The following FKBP5 variants were observed in gnomAD, a reference collection of about 807,000 sequenced individuals.
FKBP5 encodes FKBP prolyl isomerase 5, also known as peptidyl-prolyl cis-trans isomerase FKBP5.
FKBP5 carries 23 observed loss-of-function variants against 50.5 expected under a neutral mutation model. That is an observed-to-expected ratio of 0.46 (90% CI 0.33 to 0.65). The LOEUF is 0.65. Ranked by LOEUF, FKBP5 falls within the 30% of genes least tolerant of loss-of-function variation. FKBP5 has a pLI of 0.02. For synonymous variants in FKBP5, 176 were observed against 190.6 expected, an observed-to-expected ratio of 0.92 and a Z score of 0.63; for missense variants, 411 against 553.1, an observed-to-expected ratio of 0.74 and a Z score of 2.58.
intron 1 of FKBP5, among the ~76,000 whole-genome samples, chr6:35,684,927 T>C (rs567622404): frequency 3.4e-4 from 51 of 151,970 alleles, no homozygotes; most frequent in South Asian, 8.3e-4. Context: ...CCCAGCTACT[T>C]GGGAGGCTGA....
intron 2 of FKBP5, among the ~76,000 whole-genome samples, chr6:35,638,137 A>G (rs1764369499): frequency 6.6e-6 from 1 of 152,176 alleles, no homozygotes; most frequent in African/African-American, 2.4e-5. Flanking sequence ...GTATTTGGTC[A>G]GTTCTGGGAA....
rs1764459190 is a variant in FKBP5 at position 35,640,646 on chromosome 6, T to C, written c.105+2074A>G. Among the ~76,000 whole-genome samples the C allele has an allele frequency of 2.0e-5, 3 of 152,226 alleles. No individual in the cohort carries two copies. The South Asian group carries it at 6.2e-4, about 31-fold the overall frequency. On this transcript the variant is annotated intron_variant, in intron 2 of 10. Transcript: ENST00000357266. ...ACTGTGTAAACTTTTTTTTTAGCTT[T>C]GACTCTTGTAATGACACTTAGAACA...
chr6:35,671,511 G>T (rs1171465430), intron 1 of FKBP5, among the ~76,000 whole-genome samples: 1 of 151,758 alleles, frequency 6.6e-6, no homozygotes, highest in Non-Finnish European at 1.5e-5. Flanking sequence ...GAAAATAAAG[G>T]GAAGGAACAA....
At chr6:35,593,338 C>T (rs1338124987) in intron 6 of FKBP5, among the ~76,000 whole-genome samples, 1 of 152,118 alleles carries the variant, frequency 6.6e-6, no homozygotes, top group Non-Finnish European at 1.5e-5. Context: ...TATGAATGAC[C>T]ATTAAGCCTT....
intron 1 of FKBP5, among the ~76,000 whole-genome samples, chr6:35,656,344 C>T (rs1242934551): frequency 6.6e-6 from 1 of 152,130 alleles, no homozygotes; most frequent in African/African-American, 2.4e-5. Context: ...GGGGGTTAGA[C>T]TAGAATCATA....
chr6:35,636,744 T>G (rs1369817088), intron 3 of FKBP5, among the ~76,000 whole-genome samples: 1 of 152,218 alleles, frequency 6.6e-6, no homozygotes, highest in East Asian at 1.9e-4. Flanking sequence ...AACCAGCAGT[T>G]TTTTTACAAC....
At chr6:35,687,668 T>G (rs1055694018) in intron 1 of FKBP5, among the ~76,000 whole-genome samples, 3 of 152,188 alleles carry the variant, frequency 2.0e-5, no homozygotes, top group African/African-American at 7.2e-5. Context: ...TAAGCCTTAT[T>G]CCACTGGAAA....
chr6:35,621,241 T>C (rs1396889087), intron 3 of FKBP5, among the ~76,000 whole-genome samples: 2 of 152,264 alleles, frequency 1.3e-5, no homozygotes, highest in Non-Finnish European at 2.9e-5. Flanking sequence ...TCAATGTTTA[T>C]AGTTCCTATG....
intron 1 of FKBP5, among the ~76,000 whole-genome samples, chr6:35,671,652 G>A (rs1765391451): frequency 6.6e-6 from 1 of 151,980 alleles, no homozygotes; most frequent in Admixed American, 6.5e-5. Flanking sequence ...TAAGAATGAA[G>A]TTAACAGCAA....
chr6:35,635,421 G>A (rs144339650), intron 3 of FKBP5, among the ~76,000 whole-genome samples: 1 of 151,966 alleles, frequency 6.6e-6, no homozygotes, highest in South Asian at 2.1e-4. Flanking sequence ...ACAGTGAGCC[G>A]GCCCGGGTGA....
chr6:35,618,808 C>T (rs1763735646), intron 5 of FKBP5, among the ~76,000 whole-genome samples: 1 of 152,190 alleles, frequency 6.6e-6, no homozygotes, highest in African/African-American at 2.4e-5. Context: ...GATTCTCATG[C>T]CTCAGCCTCC....
intron 2 of FKBP5, among the ~76,000 whole-genome samples, chr6:35,639,221 A>T (rs142135552): frequency 6.6e-6 from 1 of 152,208 alleles, no homozygotes; most frequent in Non-Finnish European, 1.5e-5. Flanking sequence ...CCTAATCCTA[A>T]TAACTCTATG....
intron 1 of FKBP5, among the ~76,000 whole-genome samples, chr6:35,649,309 C>A (rs1458888761): frequency 6.7e-6 from 1 of 150,052 alleles, no homozygotes. Flanking sequence ...ATATTCTTAT[C>A]GGATTGCTCA....
At chr6:35,579,105 C>A (rs1053948972) in intron 9 of FKBP5, among the ~76,000 whole-genome samples, 2 of 144,820 alleles carry the variant, frequency 1.4e-5, no homozygotes, top group Non-Finnish European at 3.0e-5. Flanking sequence ...CCAGCCTGGG[C>A]AAAATAGCAA....
At chr6:35,623,041 A>G (rs923116393) in intron 3 of FKBP5, among the ~76,000 whole-genome samples, 6 of 151,982 alleles carry the variant, frequency 3.9e-5, no homozygotes, top group East Asian at 3.9e-4. Context: ...AGGAGATCGA[A>G]ACCATCCTGG....
intron 1 of FKBP5, among the ~76,000 whole-genome samples, chr6:35,677,506 A>ATG (rs1765560166): frequency 1.3e-5 from 2 of 152,194 alleles, no homozygotes; most frequent in Admixed American, 1.3e-4. Context: ...AGTCCTGAAA[A>ATG]TGTGTTATAT....
At chr6:35,635,196 G>A (rs1038754452) in intron 3 of FKBP5, among the ~76,000 whole-genome samples, 15 of 152,152 alleles carry the variant, frequency 9.9e-5, no homozygotes, top group Non-Finnish European at 1.5e-4. Flanking sequence ...TTAGCCAGGC[G>A]TGGTGGTGTA....
intron 1 of FKBP5, among the ~76,000 whole-genome samples, chr6:35,681,657 G>T (rs1765663525): frequency 6.6e-6 from 1 of 152,012 alleles, no homozygotes; most frequent in Admixed American, 6.6e-5. Context: ...CTTTTTGTGG[G>T]CATATATACT....
rs1428372684 is a variant in FKBP5 at position 35,599,001 on chromosome 6, A to AATAAATAAATAAAT, written c.509-1598_509-1597insATTTATTTATTTAT. ...AAATAAATAAAAAAATAAATAAATA[A>AATAAATAAATAAAT]AAATAAAAAAGAAAGAAAATCCTTT... On this transcript the variant is annotated intron_variant, in intron 5 of 10. Transcript: ENST00000357266. Among the ~76,000 whole-genome samples, 422 of 152,072 alleles carry AATAAATAAATAAAT rather than the reference A, an allele frequency of 2.8e-3. 2 individuals are homozygous for AATAAATAAATAAAT. Among genetic ancestry groups the AATAAATAAATAAAT allele is most frequent in the African/African-American group, 9.6e-3 (397 of 41,470 alleles).
Sources: gnomAD v4.1 joint callset for allele counts (sites outside exome capture counted in the v4.1 genomes callset) on GRCh38, gnomAD v4.1.1 for gene constraint, MANE v1.5 for transcripts, NCBI Gene and HGNC (gene_info 2026-07-23, HGNC 2026-07-21) for gene names.